MORC4: variants seen among roughly 807,000 people sequenced by gnomAD.
The protein encoded by MORC4 is MORC family CW-type zinc finger protein 4.
MORC4 carries 22 observed loss-of-function variants against 65.5 expected under a neutral mutation model. That is an observed-to-expected ratio of 0.34 (90% CI 0.24 to 0.48). The LOEUF (loss-of-function observed/expected upper bound fraction) is 0.48, where lower values mean the gene tolerates loss of function less well. MORC4 is among the 20% of genes least tolerant of loss of function. The probability of loss-of-function intolerance (pLI) is 0.99; values close to 1 mark genes in which losing one functional copy is unlikely to be tolerated. For missense variants in MORC4, 624 were observed against 703.0 expected (o/e 0.89, Z 1.27); for synonymous variants, 267 against 255.8 (o/e 1.04, Z -0.42).
chrX:106,975,041 T>C (rs1934595540), intron 9 of MORC4, among the ~76,000 whole-genome samples: 1 of 111,479 alleles, frequency 9.0e-6, no homozygotes, highest in Admixed American at 9.6e-5. Context: ...CTACAGACTA[T>C]CTCTATCTGA....
intron 14 of MORC4, among the ~76,000 whole-genome samples, chrX:106,953,823 A>C (rs1934034112): frequency 8.9e-6 from 1 of 112,188 alleles, no homozygotes; most frequent in African/African-American, 3.2e-5. Flanking sequence ...GAAAATAGTC[A>C]CTAAAAAGTT....
At chrX:106,988,019 A>G (rs751243188) in intron 3 of MORC4, among the ~76,000 whole-genome samples, 1 of 112,034 alleles carries the variant, frequency 8.9e-6, no homozygotes, top group African/African-American at 3.2e-5. Flanking sequence ...GGATTAAATT[A>G]TATACTGTAT....
rs1933666887 is a variant in MORC4, at chrX:106,941,359, T to C, written c.*120A>G. ...ACACAGAGATTCTCTATATAAGGCA[T>C]AAAGGTGAGGGTGAGAGAGAGAGAG... On this transcript the variant is annotated 3_prime_UTR_variant, in exon 17 of 17. Transcript: ENST00000355610. 1 of 476,760 alleles carries C rather than the reference T, an allele frequency of 2.1e-6. No homozygotes were observed. Among genetic ancestry groups the C allele is most frequent in the Admixed American group, 4.8e-5 (1 of 20,710 alleles). The allele number at this position is 476,760 out of a possible 1,213,427, so 39.3% of individuals were successfully genotyped here.
At chrX:106,956,854 T>C (rs1934118001) in intron 12 of MORC4, 82 bp downstream of exon 12, 2 of 754,741 alleles carry the variant, frequency 2.6e-6, no homozygotes, top group Non-Finnish European at 3.9e-6. Context: ...AAAAATTCTC[T>C]CTTCTCAAAA....
At chrX:106,985,635 GTATGTTTCTAGGCCTAT>G (rs1464417580) in intron 4 of MORC4, among the ~76,000 whole-genome samples, 3 of 109,113 alleles carry the variant, frequency 2.7e-5, no homozygotes, top group Non-Finnish European at 5.7e-5. Context: ...CTGATAAATA[GTATGTTTCTAGGCCTAT>G]TAATGCAAAT....
chrX:106,955,558 T>C (rs761681992), intron 13 of MORC4, among the ~76,000 whole-genome samples: 1 of 111,018 alleles, frequency 9.0e-6, no homozygotes, highest in African/African-American at 3.3e-5. Flanking sequence ...CATCTGGATC[T>C]TGTGGGAGAG....
chrX:106,973,144 G>C (rs2080477450), intron 9 of MORC4, among the ~76,000 whole-genome samples: 2 of 111,965 alleles, frequency 1.8e-5, no homozygotes, highest in Admixed American at 9.5e-5. Flanking sequence ...AGAGGATGAA[G>C]GCCTTGACAT....
chrX:106,941,539 G>A lies in MORC4; in HGVS notation c.2754C>T (p.Asp918=), dbSNP rs1162446240. 8.3e-7 allele frequency: 1 copy of A among 1,207,841 alleles called. No homozygotes were observed. Among genetic ancestry groups the A allele is most frequent in the East Asian group, 3.0e-5 (1 of 33,723 alleles). The part of the protein sequence containing the change: ...PHLELREIGY[D]SEQVDGILYT... ...ACAGGATCCCATCCACTTGTTCTGA[G>A]TCATACCCGATCTCACGAAGCTCCA... Residue 918 remains aspartate (D), a synonymous_variant, in exon 17 of 17, where the codon GAC becomes GAT. Transcript: ENST00000355610.
chrX:106,973,826 C>T (rs1051946351), intron 9 of MORC4, among the ~76,000 whole-genome samples: 1 of 111,567 alleles, frequency 9.0e-6, no homozygotes, highest in African/African-American at 3.3e-5. Flanking sequence ...CTGGAAAAGA[C>T]AGGAAAATGG....
intron 6 of MORC4, 133 bp from the exon 7 acceptor site, chrX:106,981,152 C>T: frequency 1.2e-5 from 10 of 868,953 alleles, no homozygotes; most frequent in Non-Finnish European, 1.6e-5. Context: ...CCTTATTACA[C>T]TATGTAAACT....
At chrX:106,984,542 C>T (rs1469876462) in intron 5 of MORC4, among the ~76,000 whole-genome samples, 1 of 95,294 alleles carries the variant, frequency 1.0e-5, no homozygotes, top group Non-Finnish European at 2.0e-5. Context: ...GATCTCTGCT[C>T]ACTGCAACCT....
At chrX:106,951,580 G>C (rs900690820) in intron 14 of MORC4, among the ~76,000 whole-genome samples, 2 of 110,869 alleles carry the variant, frequency 1.8e-5, no homozygotes, top group Admixed American at 1.9e-4. Flanking sequence ...GTGTTGCCCA[G>C]GCTAGTCTCG....
chrX:106,950,057 C>T (rs1933935409), intron 14 of MORC4, among the ~76,000 whole-genome samples: 1 of 112,029 alleles, frequency 8.9e-6, no homozygotes, highest in South Asian at 3.7e-4. Context: ...ACTGTTTCAT[C>T]TGTGTTCAGC....
intron 13 of MORC4, 104 bp downstream of exon 13, chrX:106,956,376 T>C (rs1202732824): frequency 8.3e-6 from 6 of 723,957 alleles, no homozygotes; most frequent in East Asian, 3.2e-5. Context: ...AAGAAATGGT[T>C]TGTTATTTCT....
chrX:106,974,560 T>C (rs1934584095), intron 9 of MORC4, among the ~76,000 whole-genome samples: 1 of 112,048 alleles, frequency 8.9e-6, no homozygotes, highest in Non-Finnish European at 1.9e-5. Flanking sequence ...CCCCATAACA[T>C]ACTACTTAGG....
chrX:106,986,832 A>G (rs912089889), intron 3 of MORC4, among the ~76,000 whole-genome samples: 1 of 111,681 alleles, frequency 9.0e-6, no homozygotes, highest in Non-Finnish European at 1.9e-5. Flanking sequence ...CTGCCTCTGA[A>G]TATCAGCAAA....
intron 9 of MORC4, among the ~76,000 whole-genome samples, chrX:106,974,676 T>C (rs932106705): frequency 2.7e-5 from 3 of 111,733 alleles, no homozygotes; most frequent in Non-Finnish European, 5.6e-5. Flanking sequence ...AAAAGTGGTA[T>C]TACAGATGAT....
chrX:106,976,302 A>G (rs1449008393), intron 9 of MORC4, among the ~76,000 whole-genome samples: 1 of 111,850 alleles, frequency 8.9e-6, no homozygotes, highest in African/African-American at 3.2e-5. Flanking sequence ...ATTAAGATCA[A>G]TTCCAAAGCT....
intron 14 of MORC4, among the ~76,000 whole-genome samples, chrX:106,951,480 C>A (rs1933965923): frequency 9.0e-6 from 1 of 110,565 alleles, no homozygotes; most frequent in Non-Finnish European, 1.9e-5. Flanking sequence ...AAGCGATCCT[C>A]CCACCTCAGC....
Sources: allele counts gnomAD v4.1 joint callset (sites outside exome capture counted in the v4.1 genomes callset), GRCh38; gene constraint gnomAD v4.1.1; transcripts MANE v1.5; gene names NCBI Gene and HGNC (gene_info 2026-07-23, HGNC 2026-07-21).